ADAMTS12: variants seen among roughly 807,000 people sequenced by gnomAD.
The protein encoded by ADAMTS12 is ADAM metallopeptidase with thrombospondin type 1 motif 12.
ADAMTS12 carries 118 observed loss-of-function variants against 167.8 expected under a neutral mutation model. The observed-to-expected ratio is 0.70, with a 90% confidence interval of 0.61 to 0.82. The LOEUF is 0.82. ADAMTS12 is among the 40% of genes least tolerant of loss of function. The pLI, the probability that ADAMTS12 is intolerant of heterozygous loss-of-function variation, is 0.00. For missense variants in ADAMTS12, 1,916 were observed against 1,998.8 expected (o/e 0.96, Z 0.79); for synonymous variants, 704 against 716.9 (o/e 0.98, Z 0.29).
chr5:33,670,468 G>A (rs982974945), intron 5 of ADAMTS12, among the ~76,000 whole-genome samples: 1 of 152,176 alleles, frequency 6.6e-6, no homozygotes, highest in Non-Finnish European at 1.5e-5. Context: ...GTGGCCGGGC[G>A]CGGTGTCTCA....
intron 2 of ADAMTS12, among the ~76,000 whole-genome samples, chr5:33,753,351 G>A (rs111424042): frequency 1.4e-4 from 22 of 152,312 alleles, no homozygotes; most frequent in African/African-American, 5.1e-4. Context: ...GAACGGACAA[G>A]GCCCAAAGAC....
intron 3 of ADAMTS12, among the ~76,000 whole-genome samples, chr5:33,715,988 A>G (rs1159641690): frequency 6.6e-6 from 1 of 152,180 alleles, no homozygotes; most frequent in East Asian, 1.9e-4. Flanking sequence ...GATAGATGTT[A>G]ACTTTTAGAA....
In ADAMTS12 at chr5:33,743,650, G is replaced by GC. The variant is rs1744678684; in HGVS notation, c.634+7753_634+7754insG. On this transcript the variant is annotated intron_variant, in intron 3 of 23. Transcript: ENST00000504830. Reference sequence around the variant, plus strand: ...CAGTGTGAGTGTGGGAGCTCGCTGAGTAAATGAAATCACTTGCTTTCTTTT... The same window carrying GC: ...CAGTGTGAGTGTGGGAGCTCGCTGAGCTAAATGAAATCACTTGCTTTCTTTT... 2.0e-5 allele frequency among the ~76,000 whole-genome samples: 3 copies of GC among 152,274 alleles called. No homozygotes were observed. The South Asian group carries it at 6.2e-4, about 32-fold the overall frequency.
chr5:33,703,646 C>T (rs1024654219), intron 3 of ADAMTS12, among the ~76,000 whole-genome samples: 4 of 152,142 alleles, frequency 2.6e-5, no homozygotes, highest in African/African-American at 4.8e-5. Flanking sequence ...GATCATATGG[C>T]ATTTATCTTT....
chr5:33,758,699 G>A (rs1271259951), intron 2 of ADAMTS12, among the ~76,000 whole-genome samples: 2 of 152,104 alleles, frequency 1.3e-5, no homozygotes, highest in African/African-American at 2.4e-5. Flanking sequence ...GAAGCAAGAC[G>A]GAATTGCTCA....
intron 19 of ADAMTS12, among the ~76,000 whole-genome samples, chr5:33,572,152 T>G (rs1323150111): frequency 1.3e-5 from 2 of 152,148 alleles, no homozygotes; most frequent in East Asian, 3.9e-4. Flanking sequence ...GATTCACAGC[T>G]GAATTCTACC....
intron 19 of ADAMTS12, among the ~76,000 whole-genome samples, chr5:33,572,251 G>A (rs1746396800): frequency 6.6e-6 from 1 of 152,028 alleles, no homozygotes. Context: ...CATTTTATGA[G>A]GCCAGCATCA....
chr5:33,817,316 T>G (rs1051307017), intron 2 of ADAMTS12, among the ~76,000 whole-genome samples: 6 of 152,178 alleles, frequency 3.9e-5, no homozygotes, highest in Admixed American at 1.3e-4. Flanking sequence ...GGTTATCAAT[T>G]CATTCATACC....
intron 2 of ADAMTS12, among the ~76,000 whole-genome samples, chr5:33,785,184 T>C (rs764843735): frequency 2.6e-5 from 4 of 151,868 alleles, no homozygotes; most frequent in Non-Finnish European, 2.9e-5. Context: ...AAATGGATCA[T>C]AGACATAAAT....
intron 16 of ADAMTS12, among the ~76,000 whole-genome samples, chr5:33,609,376 T>A (rs1229439246): frequency 2.6e-5 from 4 of 151,478 alleles, no homozygotes; most frequent in African/African-American, 9.7e-5. Flanking sequence ...AACTTTTTTT[T>A]TTTTTTTTTT....
rs111794877 is a variant in ADAMTS12 at position 33,610,121 on chromosome 5, C to T, written c.2527+4117G>A. Reference sequence around the variant, plus strand: ...ACTTGAACCTGGGAGGTGGAGGTTGCGGTGAGCCGAGATTGAGCCATTGTG... The same window carrying T: ...ACTTGAACCTGGGAGGTGGAGGTTGTGGTGAGCCGAGATTGAGCCATTGTG... On this transcript the variant is annotated intron_variant, in intron 16 of 23. Transcript: ENST00000504830. Among the ~76,000 whole-genome samples, 1,427 of 152,232 alleles carry T rather than the reference C, an allele frequency of 9.4e-3. 28 individuals carry two copies. The highest frequency in any genetic ancestry group is 0.033 in the African/African-American group (1,362 of 41,502).
intron 23 of ADAMTS12, among the ~76,000 whole-genome samples, chr5:33,530,995 G>A (rs190463): frequency 0.48 from 73,120 of 151,984 alleles, 18,741 homozygotes; most frequent in East Asian, 0.78. Context: ...ACTAGGGTGG[G>A]CCCTTCATCC....
At chr5:33,528,664 CT>C (rs1743939244) in intron 23 of ADAMTS12, among the ~76,000 whole-genome samples, 1 of 152,226 alleles carries the variant, frequency 6.6e-6, no homozygotes, top group Non-Finnish European at 1.5e-5. Context: ...ATAGCCAGAT[CT>C]GAACACAGGC....
At chr5:33,577,363 C>A (rs1349415513) in intron 18 of ADAMTS12, among the ~76,000 whole-genome samples, 2 of 152,180 alleles carry the variant, frequency 1.3e-5, no homozygotes, top group African/African-American at 4.8e-5. Flanking sequence ...CAGTCTCAAC[C>A]ATTTATTCTT....
intron 2 of ADAMTS12, among the ~76,000 whole-genome samples, chr5:33,780,969 T>C (rs1310128434): frequency 6.6e-6 from 1 of 152,188 alleles, no homozygotes; most frequent in African/African-American, 2.4e-5. Flanking sequence ...CGTTCCCTTT[T>C]CTTTTTCTTT....
At chr5:33,560,914 TA>T (rs1745715566) in intron 20 of ADAMTS12, 112 bp downstream of exon 20, 1 of 1,322,130 alleles carries the variant, frequency 7.6e-7, no homozygotes, top group Non-Finnish European at 1.0e-6. Context: ...GAACTTTAAT[TA>T]AGAAAAAGAA....
chr5:33,809,536 A>G (rs1747369124), intron 2 of ADAMTS12, among the ~76,000 whole-genome samples: 1 of 152,064 alleles, frequency 6.6e-6, no homozygotes, highest in Admixed American at 6.5e-5. Flanking sequence ...ATTTATGTTT[A>G]TTTATTCGAC....
At chr5:33,852,511 C>T (rs1274701258) in intron 2 of ADAMTS12, among the ~76,000 whole-genome samples, 1 of 152,140 alleles carries the variant, frequency 6.6e-6, no homozygotes, top group Non-Finnish European at 1.5e-5. Flanking sequence ...GAATCAGTGA[C>T]ACCAAATGCG....
intron 2 of ADAMTS12, among the ~76,000 whole-genome samples, chr5:33,815,588 A>G (rs1747622168): frequency 6.6e-6 from 1 of 152,198 alleles, no homozygotes; most frequent in Admixed American, 6.6e-5. Flanking sequence ...CTATTATAGA[A>G]GCCTCAGCTA....
Sources: gnomAD v4.1 joint callset for allele counts (sites outside exome capture counted in the v4.1 genomes callset) on GRCh38, gnomAD v4.1.1 for gene constraint, MANE v1.5 for transcripts, NCBI Gene and HGNC (gene_info 2026-07-23, HGNC 2026-07-21) for gene names.